Variants in ANKRD12 observed in about 807,000 individuals in gnomAD.
ANKRD12 encodes ankyrin repeat domain-containing protein 12.
A neutral mutation model predicts 183.4 loss-of-function variants in ANKRD12; 85 were observed. That is an observed-to-expected ratio of 0.46 (90% CI 0.39 to 0.56). The LOEUF (loss-of-function observed/expected upper bound fraction) is 0.56, where lower values mean the gene tolerates loss of function less well. ANKRD12 is among the 20% of genes least tolerant of loss of function. The pLI is 0.00. For synonymous variants in ANKRD12, 914 were observed against 800.2 expected (o/e 1.14, Z -2.40); for missense variants, 2,405 against 2,357.1 (o/e 1.02, Z -0.42).
chr18:9,172,513 G>A (rs185714785), intron 1 of ANKRD12, among the ~76,000 whole-genome samples: 3 of 152,224 alleles, frequency 2.0e-5, no homozygotes, highest in East Asian at 3.9e-4. Flanking sequence ...GGTCTATTCT[G>A]CTATTGATAC....
At chr18:9,251,250 C>T (rs748512629) in intron 8 of ANKRD12, among the ~76,000 whole-genome samples, 1 of 152,068 alleles carries the variant, frequency 6.6e-6, no homozygotes, top group Non-Finnish European at 1.5e-5. Context: ...GTTATCTCCC[C>T]GCATCAGCCA....
chr18:9,234,777 T>C (rs889891453), intron 8 of ANKRD12, among the ~76,000 whole-genome samples: 21 of 152,194 alleles, frequency 1.4e-4, no homozygotes, highest in African/African-American at 5.1e-4. Context: ...TCTGGTGCAA[T>C]GCTTGTGCAG....
At chr18:9,248,508 A>G (rs1348147690) in intron 8 of ANKRD12, among the ~76,000 whole-genome samples, 2 of 152,194 alleles carry the variant, frequency 1.3e-5, no homozygotes, top group Non-Finnish European at 2.9e-5. Context: ...ACAGTCTTTC[A>G]GTGAGCTTCT....
chr18:9,170,603 A>G (rs955606831), intron 1 of ANKRD12, among the ~76,000 whole-genome samples: 1 of 151,870 alleles, frequency 6.6e-6, no homozygotes, highest in African/African-American at 2.4e-5. Context: ...CTAGTTATCC[A>G]TTCGTCAATT....
At chr18:9,230,553 G>A (rs551573045) in intron 8 of ANKRD12, among the ~76,000 whole-genome samples, 1 of 151,260 alleles carries the variant, frequency 6.6e-6, no homozygotes, top group South Asian at 2.1e-4. Context: ...TCACTATAGT[G>A]TTTATTTAAA....
intron 1 of ANKRD12, among the ~76,000 whole-genome samples, chr18:9,158,738 C>T (rs539740796): frequency 6.6e-6 from 1 of 152,270 alleles, no homozygotes; most frequent in East Asian, 1.9e-4. Context: ...AGTCACTCTA[C>T]CCAGGCCACA....
intron 8 of ANKRD12, among the ~76,000 whole-genome samples, chr18:9,251,171 T>C (rs1436264364): frequency 6.6e-6 from 1 of 152,188 alleles, no homozygotes; most frequent in Non-Finnish European, 1.5e-5. Context: ...AGAATAGATG[T>C]CATGTGTCAA....
At chr18:9,235,950 CTT>C (rs538115467) in intron 8 of ANKRD12, 673 of 165,798 alleles carry the variant, frequency 4.1e-3, no homozygotes, top group South Asian at 9.4e-3. Flanking sequence ...TATTGAGGGA[CTT>C]TTTTTTTTTT....
At chr18:9,162,064 A>C (rs1322986607) in intron 1 of ANKRD12, among the ~76,000 whole-genome samples, 1 of 152,024 alleles carries the variant, frequency 6.6e-6, no homozygotes, top group Non-Finnish European at 1.5e-5. Flanking sequence ...TATGGGGTAC[A>C]TGTGCAGTAT....
Position 9,254,830 on chromosome 18 carries a change from T to C in ANKRD12, c.1563T>C (p.Phe521=). ...AAAAGACCAGAGAGGAGGGGAACTT[T>C]AGGAAATCTTTTAGCCCAAAAGATG... ...CSEKTREEGN[F]RKSFSPKDDT... The change falls in exon 9 of 13, where the codon TTT becomes TTC. Residue 521 remains phenylalanine, a synonymous_variant. Coordinates refer to ENST00000262126, the MANE Select transcript of ANKRD12 (RefSeq NM_015208.5). 6.7e-7 allele frequency: 1 copy of C among 1,486,708 alleles called. No homozygotes were observed. The highest frequency in any genetic ancestry group is 1.4e-5 in the African/African-American group (1 of 70,240). 92.1% of individuals were successfully genotyped at this position (1,486,708 alleles called of 1,614,324 possible).
chr18:9,235,146 A>G (rs2037272900), intron 8 of ANKRD12, among the ~76,000 whole-genome samples: 1 of 152,162 alleles, frequency 6.6e-6, no homozygotes, highest in Admixed American at 6.5e-5. Context: ...ATTCTTTATG[A>G]TAAGTTAAAA....
At chr18:9,159,375 T>C (rs1346397948) in intron 1 of ANKRD12, among the ~76,000 whole-genome samples, 2 of 152,186 alleles carry the variant, frequency 1.3e-5, no homozygotes, top group Non-Finnish European at 2.9e-5. Context: ...GTCTGTAACC[T>C]ACCACCCCAA....
At chr18:9,278,249 C>G (rs778199299) in intron 11 of ANKRD12, among the ~76,000 whole-genome samples, 3 of 142,156 alleles carry the variant, frequency 2.1e-5, no homozygotes, top group Non-Finnish European at 4.6e-5. Flanking sequence ...AAGTAGCATG[C>G]GTTATTTCCT....
At chr18:9,229,117 C>T (rs1047285180) in intron 8 of ANKRD12, among the ~76,000 whole-genome samples, 1 of 152,026 alleles carries the variant, frequency 6.6e-6, no homozygotes, top group African/African-American at 2.4e-5. Flanking sequence ...GATCATTTGG[C>T]TGTAAATATG....
At chr18:9,239,388 T>C (rs577251639) in intron 8 of ANKRD12, 2 of 310,496 alleles carry the variant, frequency 6.4e-6, no homozygotes, top group African/African-American at 2.2e-5. Context: ...ACATGTTTAA[T>C]TAGTGCAGAA....
chr18:9,216,371 C>T (rs1265713351), intron 6 of ANKRD12, among the ~76,000 whole-genome samples: 4 of 152,120 alleles, frequency 2.6e-5, no homozygotes, highest in Non-Finnish European at 4.4e-5. Flanking sequence ...CAATTTTTCT[C>T]TAGCTTTATT....
At chr18:9,236,337 T>A (rs1448419200) in intron 8 of ANKRD12, among the ~76,000 whole-genome samples, 1 of 152,052 alleles carries the variant, frequency 6.6e-6, no homozygotes, top group Non-Finnish European at 1.5e-5. Flanking sequence ...CCTAGAAAAG[T>A]GAGAGAATGA....
intron 1 of ANKRD12, among the ~76,000 whole-genome samples, chr18:9,160,767 A>G (rs942080374): frequency 3.3e-5 from 5 of 152,224 alleles, no homozygotes; most frequent in Non-Finnish European, 7.3e-5. Context: ...GTAAATTGTA[A>G]TGTTCTAGAA....
intron 1 of ANKRD12, among the ~76,000 whole-genome samples, chr18:9,171,724 C>T (rs975957861): frequency 6.6e-6 from 1 of 152,046 alleles, no homozygotes; most frequent in African/African-American, 2.4e-5. Flanking sequence ...GTTGGAAATT[C>T]TTTAAGAATG....
Sources: gnomAD v4.1 joint callset for allele counts (sites outside exome capture counted in the v4.1 genomes callset) on GRCh38, gnomAD v4.1.1 for gene constraint, MANE v1.5 for transcripts, NCBI Gene and HGNC (gene_info 2026-07-23, HGNC 2026-07-21) for gene names.